ADAMTS6: variants seen among roughly 807,000 people sequenced by gnomAD.
ADAMTS6 encodes ADAM metallopeptidase with thrombospondin type 1 motif 6.
In ADAMTS6, 23 loss-of-function variants were observed where a neutral mutation model predicts 144.3. That is an observed-to-expected ratio of 0.16 (90% confidence interval 0.11 to 0.23). The LOEUF is 0.23. Among genes scored for constraint, ADAMTS6 ranks in the 10% least tolerant of loss-of-function variants. The pLI, the probability that ADAMTS6 is intolerant of heterozygous loss-of-function variation, is 1.00. For synonymous variants in ADAMTS6, 444 were observed against 457.5 expected (o/e 0.97, Z 0.38); for missense variants, 999 against 1,379.6 (o/e 0.72, Z 4.37).
intron 7 of ADAMTS6, among the ~76,000 whole-genome samples, chr5:65,382,710 C>T (rs1017143424): frequency 6.6e-6 from 1 of 152,240 alleles, no homozygotes; most frequent in Admixed American, 6.5e-5. Flanking sequence ...TTGCCCTTCA[C>T]AGGTGATGCC....
chr5:65,279,241 G>A (rs1023195734), intron 11 of ADAMTS6, among the ~76,000 whole-genome samples: 2 of 151,930 alleles, frequency 1.3e-5, no homozygotes, highest in South Asian at 2.1e-4. Flanking sequence ...CACCGTACCC[G>A]ACCTTTGTAG....
intron 7 of ADAMTS6, among the ~76,000 whole-genome samples, chr5:65,371,789 C>T (rs1412167032): frequency 6.6e-6 from 1 of 151,992 alleles, no homozygotes; most frequent in Non-Finnish European, 1.5e-5. Context: ...AGATACTCCT[C>T]GAGAAGAGCA....
chr5:65,446,983 T>G (rs1008899145), intron 7 of ADAMTS6, among the ~76,000 whole-genome samples: 4 of 152,170 alleles, frequency 2.6e-5, no homozygotes, highest in Non-Finnish European at 5.9e-5. Flanking sequence ...AATAAAGCTG[T>G]TACCATAAAA....
At chr5:65,379,623 C>T (rs1751858922) in intron 7 of ADAMTS6, among the ~76,000 whole-genome samples, 1 of 152,098 alleles carries the variant, frequency 6.6e-6, no homozygotes, top group South Asian at 2.1e-4. Context: ...GTTGGTAGCA[C>T]TTTCATTTCC....
At chr5:65,345,337 A>G (rs1332463567) in intron 7 of ADAMTS6, among the ~76,000 whole-genome samples, 1 of 151,820 alleles carries the variant, frequency 6.6e-6, no homozygotes, top group Non-Finnish European at 1.5e-5. Flanking sequence ...ATTATTTTTG[A>G]AGTATCAAAA....
At chr5:65,207,349 C>A (rs528606935) in intron 20 of ADAMTS6, among the ~76,000 whole-genome samples, 1 of 152,174 alleles carries the variant, frequency 6.6e-6, no homozygotes, top group Admixed American at 6.5e-5. Flanking sequence ...ATATTTAGAG[C>A]ATAAATATAA....
intron 7 of ADAMTS6, among the ~76,000 whole-genome samples, chr5:65,402,903 T>A (rs1481016399): frequency 6.6e-6 from 1 of 152,178 alleles, no homozygotes; most frequent in African/African-American, 2.4e-5. Flanking sequence ...ACTTCTATGG[T>A]CTGCTTTATG....
intron 3 of ADAMTS6, among the ~76,000 whole-genome samples, chr5:65,470,216 A>G (rs996957008): frequency 1.3e-5 from 2 of 152,124 alleles, no homozygotes; most frequent in Non-Finnish European, 2.9e-5. Flanking sequence ...GAGCCACCTC[A>G]CCCAGCCTAG....
chr5:65,347,803 A>G (rs1351528484), intron 7 of ADAMTS6, among the ~76,000 whole-genome samples: 9 of 152,050 alleles, frequency 5.9e-5, no homozygotes, highest in Non-Finnish European at 4.4e-5. Flanking sequence ...AAGAAAACTA[A>G]TCACCCTATT....
At chr5:65,299,833 A>T in intron 10 of ADAMTS6, 152 bp downstream of exon 10, 2 of 789,198 alleles carry the variant, frequency 2.5e-6, no homozygotes, top group Non-Finnish European at 3.7e-6. Flanking sequence ...AAATTGCCAC[A>T]ATGATATATT....
chr5:65,403,554 T>G (rs1377493483), intron 7 of ADAMTS6, among the ~76,000 whole-genome samples: 7 of 152,122 alleles, frequency 4.6e-5, no homozygotes, highest in African/African-American at 1.7e-4. Flanking sequence ...AGTCTAAAAC[T>G]TTCACATTTT....
At chr5:65,330,529 A>G (rs1746610609) in intron 8 of ADAMTS6, among the ~76,000 whole-genome samples, 1 of 152,088 alleles carries the variant, frequency 6.6e-6, no homozygotes. Flanking sequence ...AATTCAATGA[A>G]TATTTATTGA....
intron 3 of ADAMTS6, 98 bp downstream of exon 3, chr5:65,470,680 A>T: frequency 1.2e-6 from 1 of 836,848 alleles, no homozygotes; most frequent in Non-Finnish European, 1.6e-6. Context: ...TAAACTACCT[A>T]TATATATATA....
intron 4 of ADAMTS6, among the ~76,000 whole-genome samples, chr5:65,459,071 C>A (rs937225115): frequency 4.7e-5 from 7 of 150,234 alleles, no homozygotes; most frequent in African/African-American, 1.7e-4. Flanking sequence ...AGAACGGGGT[C>A]TCGCTATATT....
intron 22 of ADAMTS6, among the ~76,000 whole-genome samples, chr5:65,174,694 GT>G (rs1753858979): frequency 6.6e-6 from 1 of 152,106 alleles, no homozygotes; most frequent in African/African-American, 2.4e-5. Flanking sequence ...CTTTGGTTTT[GT>G]TTTTGACCTG....
At chr5:65,262,725 G>T in intron 13 of ADAMTS6, 92 bp downstream of exon 13, 23 of 1,382,496 alleles carry the variant, frequency 1.7e-5, no homozygotes, top group Non-Finnish European at 2.2e-5. Context: ...GCTCACTAGC[G>T]AAACGTTTTT....
intron 15 of ADAMTS6, among the ~76,000 whole-genome samples, chr5:65,238,988 T>C (rs1758923030): frequency 6.6e-6 from 1 of 152,122 alleles, no homozygotes. Flanking sequence ...GAAGAACTCT[T>C]ATAAAAAACA....
intron 4 of ADAMTS6, among the ~76,000 whole-genome samples, chr5:65,459,004 C>T (rs1759442049): frequency 1.3e-5 from 2 of 151,774 alleles, no homozygotes. Context: ...ATGTTATATC[C>T]ACTGTTTCTC....
chr5:65,289,752 C>T (rs1174736432), intron 11 of ADAMTS6, among the ~76,000 whole-genome samples: 1 of 152,116 alleles, frequency 6.6e-6, no homozygotes, highest in East Asian at 1.9e-4. Flanking sequence ...TAGAAATTTG[C>T]ATGTAGAGTT....
Sources: gnomAD v4.1 joint callset for allele counts (sites outside exome capture counted in the v4.1 genomes callset) on GRCh38, gnomAD v4.1.1 for gene constraint, MANE v1.5 for transcripts, NCBI Gene and HGNC (gene_info 2026-07-23, HGNC 2026-07-21) for gene names.